Variants in LAP3 observed in about 807,000 individuals in gnomAD.
LAP3 encodes cytosol aminopeptidase.
In LAP3, 46 loss-of-function variants were observed where a neutral mutation model predicts 58.8. That is an observed-to-expected ratio of 0.78 (90% CI 0.62 to 1.00). LAP3 has a LOEUF of 1.00. Ranked by LOEUF, LAP3 falls within the 50% of genes least tolerant of loss-of-function variation. LAP3 has a pLI of 0.00. For synonymous variants in LAP3, 257 were observed against 237.7 expected, an observed-to-expected ratio of 1.08 and a Z score of -0.75; for missense variants, 615 against 659.1, an observed-to-expected ratio of 0.93 and a Z score of 0.73.
At chr4:17,599,468 G>A (rs931730544) in intron 10 of LAP3, among the ~76,000 whole-genome samples, 5 of 152,082 alleles carry the variant, frequency 3.3e-5, no homozygotes, top group African/African-American at 1.2e-4. Flanking sequence ...CCCCAGAGGT[G>A]GAGGTTGTAG....
At chr4:17,591,924 T>C (rs1354545307) in intron 7 of LAP3, among the ~76,000 whole-genome samples, 1 of 151,810 alleles carries the variant, frequency 6.6e-6, no homozygotes, top group Non-Finnish European at 1.5e-5. Flanking sequence ...ACAGTGAAAT[T>C]CACCCTCTAA....
chr4:17,595,381 A>G (rs368226359), intron 7 of LAP3, 29 bp from the exon 8 acceptor site: 5 of 1,609,364 alleles, frequency 3.1e-6, no homozygotes, highest in Non-Finnish European at 1.7e-6. Context: ...CTTTGCTCTT[A>G]ATATTGCACG....
intron 2 of LAP3, among the ~76,000 whole-genome samples, chr4:17,581,242 G>A (rs1237620991): frequency 1.3e-5 from 2 of 152,224 alleles, no homozygotes; most frequent in African/African-American, 4.8e-5. Flanking sequence ...GATTACTGCA[G>A]TGTTTTTGGT....
At chr4:17,596,965 C>A in intron 8 of LAP3, 81 bp from the exon 9 acceptor site, 1 of 1,282,684 alleles carries the variant, frequency 7.8e-7, no homozygotes, top group Non-Finnish European at 1.1e-6. Context: ...CTTCTCATGG[C>A]TCACAGGTGG....
At chr4:17,605,118 C>CCACACACACACACACA (rs10609509) in intron 11 of LAP3, among the ~76,000 whole-genome samples, 1 of 146,930 alleles carries the variant, frequency 6.8e-6, no homozygotes, top group African/African-American at 2.5e-5. Context: ...ACCCTCACTT[C>CCACACACACACACACA]CACACACACA....
intron 10 of LAP3, among the ~76,000 whole-genome samples, chr4:17,599,158 A>G (rs1157762905): frequency 6.6e-6 from 1 of 152,152 alleles, no homozygotes; most frequent in African/African-American, 2.4e-5. Context: ...AAGATTACAG[A>G]AGTGAGCCAC....
chr4:17,606,166 C>T (rs1214881309), intron 11 of LAP3, among the ~76,000 whole-genome samples: 1 of 152,032 alleles, frequency 6.6e-6, no homozygotes, highest in Non-Finnish European at 1.5e-5. Context: ...CTCAGGATTT[C>T]AGTGATACAG....
chr4:17,600,327 C>T, intron 10 of LAP3, among the ~76,000 whole-genome samples: 1 of 144,730 alleles, frequency 6.9e-6, no homozygotes, highest in East Asian at 2.0e-4. Context: ...TTTTTCAAAG[C>T]TGGCATTATA....
intron 6 of LAP3, 83 bp from the exon 7 acceptor site, chr4:17,588,736 T>C: frequency 1.5e-6 from 2 of 1,330,550 alleles, no homozygotes; most frequent in Non-Finnish European, 2.1e-6. Flanking sequence ...ATTATACTTT[T>C]TCACACACTG....
Position 17,588,978 on chromosome 4 carries a change from G to T in LAP3, c.863+1G>T, listed in dbSNP as rs926282361. On this transcript the variant is annotated splice_donor_variant, in intron 7 of 12. Coordinates refer to ENST00000226299, the MANE Select transcript of LAP3 (RefSeq NM_015907.3). LOFTEE classifies it high-confidence loss of function. ...TTGGGAAAGGAATTACCTTTGACAG[G>T]TATTTTTTATGGTGTCCGTGCTTTG... 6.2e-7 allele frequency: 1 copy of T among 1,612,984 alleles called. No individual in the cohort carries two copies. The highest frequency in any genetic ancestry group is 8.5e-7 in the Non-Finnish European group (1 of 1,179,250).
chr4:17,607,345 G>C (rs1714166781), intron 12 of LAP3, 55 bp from the exon 13 acceptor site: 2 of 1,496,222 alleles, frequency 1.3e-6, no homozygotes, highest in South Asian at 2.5e-5. Context: ...AAAAATGTGG[G>C]ATCTCAGTGC....
intron 5 of LAP3, among the ~76,000 whole-genome samples, chr4:17,584,567 G>C (rs1713453377): frequency 6.6e-6 from 1 of 152,250 alleles, no homozygotes; most frequent in South Asian, 2.1e-4. Flanking sequence ...CCATACGCTT[G>C]CTTTGCAGTT....
chr4:17,581,716 G>T, intron 2 of LAP3, 44 bp from the exon 3 acceptor site: 2 of 1,537,594 alleles, frequency 1.3e-6, no homozygotes, highest in South Asian at 2.2e-5. Context: ...CAAGTGAACC[G>T]AGCAAAATAC....
chr4:17,589,152 C>G (rs574370294), intron 7 of LAP3, among the ~76,000 whole-genome samples, 175 bp downstream of exon 7: 17 of 151,886 alleles, frequency 1.1e-4, no homozygotes, highest in Admixed American at 2.6e-4. Flanking sequence ...CCTCTGCCTC[C>G]CAGGCTCAAG....
intron 6 of LAP3, among the ~76,000 whole-genome samples, chr4:17,588,505 T>C (rs1713591387): frequency 6.6e-6 from 1 of 152,138 alleles, no homozygotes; most frequent in Admixed American, 6.6e-5. Context: ...AGAGAGGAAA[T>C]TAATTATATA....
chr4:17,600,675 G>A (rs1286250013), intron 10 of LAP3, among the ~76,000 whole-genome samples: 3 of 152,172 alleles, frequency 2.0e-5, no homozygotes, highest in Non-Finnish European at 2.9e-5. Flanking sequence ...CACACCAGGT[G>A]ATGGTTCCCC....
intron 1 of LAP3, among the ~76,000 whole-genome samples, chr4:17,578,379 G>A (rs1473286863): frequency 6.6e-6 from 1 of 152,226 alleles, no homozygotes; most frequent in African/African-American, 2.4e-5. Context: ...TTCCCGGGGA[G>A]TGAACAATCT....
chr4:17,602,662 T>C (rs1714008824), intron 10 of LAP3, among the ~76,000 whole-genome samples: 1 of 152,152 alleles, frequency 6.6e-6, no homozygotes. Flanking sequence ...AAAAATATTT[T>C]CCAACATTTG....
Position 17,582,282 on chromosome 4 carries a change from G to A in LAP3, c.274-6G>A, listed in dbSNP as rs1374119788. ...AAGTGGTTGATTTGGTGTATCTGTG[G>A]GACAGGACTTCCCCAGCGTGGTGCT... On this transcript the variant is annotated splice_region_variant and splice_polypyrimidine_tract_variant and intron_variant, in intron 3 of 12. Coordinates refer to ENST00000226299, the MANE Select transcript of LAP3 (RefSeq NM_015907.3). 2 of 1,611,812 alleles carry A rather than the reference G, an allele frequency of 1.2e-6. No homozygotes were observed. The highest frequency in any genetic ancestry group is 1.7e-6 in the Non-Finnish European group (2 of 1,178,036).
Sources: gnomAD v4.1 joint callset for allele counts (sites outside exome capture counted in the v4.1 genomes callset) on GRCh38, gnomAD v4.1.1 for gene constraint, MANE v1.5 for transcripts, NCBI Gene and HGNC (gene_info 2026-07-23, HGNC 2026-07-21) for gene names.